The following S100A10 variants were observed in gnomAD, a reference collection of about 807,000 sequenced individuals.
S100A10 encodes the protein S100 calcium binding protein A10, also known as protein S100-A10.
A neutral mutation model predicts 7.1 loss-of-function variants in S100A10; 3 were observed. The observed-to-expected ratio is 0.42, with a 90% CI of 0.19 to 1.10. The LOEUF (loss-of-function observed/expected upper bound fraction) is 1.10. Among genes scored for constraint, S100A10 ranks in the 50% least tolerant of loss-of-function variants. The probability of loss-of-function intolerance (pLI) is 0.29; values close to 1 mark genes in which losing one functional copy is unlikely to be tolerated. For missense variants in S100A10, 101 were observed against 118.1 expected (o/e 0.86, Z 0.67); for synonymous variants, 41 against 39.3 (o/e 1.04, Z -0.16).
rs11383937 is a variant in S100A10 at position 151,987,538 on chromosome 1, CTT to C, written c.-21-1289_-21-1288del. Reference sequence around the variant, plus strand: ...TTTATCTGCTGGGTATATATGTATTCTTTTTTTTTTTTTTTTTTTGAGACGGA... The same window carrying C: ...TTTATCTGCTGGGTATATATGTATTCTTTTTTTTTTTTTTTTTGAGACGGA... On this transcript the variant is annotated intron_variant, in intron 1 of 2. Coordinates refer to ENST00000368811, the MANE Select transcript of S100A10 (RefSeq NM_002966.3). Among the ~76,000 whole-genome samples, 50 of 116,306 alleles carry C rather than the reference CTT, an allele frequency of 4.3e-4. 1 individual carries two copies. The highest frequency in any genetic ancestry group is 1.3e-3 in the African/African-American group (40 of 30,446). The allele number at this position is 116,306 out of a possible 152,430, so 76.3% of individuals were successfully genotyped here.
intron 1 of S100A10, among the ~76,000 whole-genome samples, chr1:151,991,860 G>T (rs751297689): frequency 6.6e-6 from 1 of 152,188 alleles, no homozygotes; most frequent in Non-Finnish European, 1.5e-5. Context: ...TCACTGGAGT[G>T]GCTGCTTAGG....
At chr1:151,992,785 C>T (rs1311397064) in intron 1 of S100A10, among the ~76,000 whole-genome samples, 2 of 152,200 alleles carry the variant, frequency 1.3e-5, no homozygotes, top group Non-Finnish European at 2.9e-5. Context: ...TTAGGGCTCC[C>T]CTGTGCTGGC....
At chr1:151,989,585 G>A (rs1431110391) in intron 1 of S100A10, among the ~76,000 whole-genome samples, 1 of 152,228 alleles carries the variant, frequency 6.6e-6, no homozygotes, top group Non-Finnish European at 1.5e-5. Context: ...TAAGACAAAG[G>A]AAAGGGGGAA....
chr1:151,988,185 A>C (rs1210588101), intron 1 of S100A10, among the ~76,000 whole-genome samples: 1 of 152,204 alleles, frequency 6.6e-6, no homozygotes, highest in Non-Finnish European at 1.5e-5. Flanking sequence ...ACTTAATAGA[A>C]CCTCAGTGAA....
At chr1:151,987,614 G>A (rs1557773277) in intron 1 of S100A10, among the ~76,000 whole-genome samples, 2 of 142,870 alleles carry the variant, frequency 1.4e-5, no homozygotes, top group East Asian at 2.1e-4. Flanking sequence ...ATCTCGGCTC[G>A]CTGCAAGCTC....
intron 1 of S100A10, among the ~76,000 whole-genome samples, chr1:151,988,309 G>A (rs1323340095): frequency 6.6e-6 from 1 of 152,102 alleles, no homozygotes; most frequent in East Asian, 1.9e-4. Context: ...CTGTAATATA[G>A]CACTAAAAAA....
chr1:151,992,763 C>G (rs1397086734), intron 1 of S100A10, among the ~76,000 whole-genome samples: 1 of 152,178 alleles, frequency 6.6e-6, no homozygotes, highest in African/African-American at 2.4e-5. Context: ...TTAATGCATC[C>G]CAGAATCTGG....
chr1:151,988,565 G>T (rs1394469693), intron 1 of S100A10, among the ~76,000 whole-genome samples: 3 of 152,202 alleles, frequency 2.0e-5, no homozygotes, highest in Non-Finnish European at 4.4e-5. Flanking sequence ...CTCCAGAAAA[G>T]TATGGGAACC....
intron 1 of S100A10, among the ~76,000 whole-genome samples, chr1:151,986,731 C>T (rs901258520): frequency 1.6e-4 from 24 of 152,202 alleles, no homozygotes; most frequent in African/African-American, 2.4e-5. Context: ...GCGTAACGTC[C>T]TCCAGGTTCA....
At chr1:151,986,345 G>A in intron 1 of S100A10, 94 bp from the exon 2 acceptor site, 1 of 902,524 alleles carries the variant, frequency 1.1e-6, no homozygotes, top group Non-Finnish European at 1.7e-6. Context: ...AGATAAAATT[G>A]TATGTATTTA....
chr1:151,988,562 A>G (rs1655844309), intron 1 of S100A10, among the ~76,000 whole-genome samples: 2 of 152,234 alleles, frequency 1.3e-5, no homozygotes, highest in South Asian at 4.1e-4. Context: ...AATCTCCAGA[A>G]AAGTATGGGA....
At chr1:151,991,156 A>G (rs1458626204) in intron 1 of S100A10, among the ~76,000 whole-genome samples, 1 of 152,220 alleles carries the variant, frequency 6.6e-6, no homozygotes, top group Non-Finnish European at 1.5e-5. Context: ...GTTATTTAAA[A>G]TATGTTTGAG....
chr1:151,983,093 G>T lies in S100A10; in HGVS notation c.*70C>A. ...ATGAAATCCTTCTATGGGGGAAGCT[G>T]TGGGGCAGATTCCTTAAGCGACCCT... On this transcript the variant is annotated 3_prime_UTR_variant, in exon 3 of 3. Coordinates refer to ENST00000368811, the MANE Select transcript of S100A10 (RefSeq NM_002966.3). 1 of 1,109,286 alleles carries T rather than the reference G, an allele frequency of 9.0e-7. No homozygotes were observed. 68.7% of individuals were successfully genotyped at this position (1,109,286 alleles called of 1,614,324 possible).
chr1:151,991,986 C>G (rs959271436), intron 1 of S100A10, among the ~76,000 whole-genome samples: 7 of 151,894 alleles, frequency 4.6e-5, no homozygotes, highest in Non-Finnish European at 1.0e-4. Context: ...CCCAGTAGAC[C>G]AAAAAAATTG....
intron 1 of S100A10, among the ~76,000 whole-genome samples, chr1:151,987,347 AG>A (rs1479644936): frequency 2.6e-5 from 4 of 151,714 alleles, no homozygotes; most frequent in Non-Finnish European, 5.9e-5. Flanking sequence ...AAGAACAGAT[AG>A]TTCATAATTT....
intron 2 of S100A10, among the ~76,000 whole-genome samples, chr1:151,985,879 T>C (rs1055239156): frequency 6.6e-6 from 1 of 152,200 alleles, no homozygotes; most frequent in Non-Finnish European, 1.5e-5. Flanking sequence ...GTGTCTTCAT[T>C]ACTTTGTTTC....
At chr1:151,988,435 TGA>T (rs1449319123) in intron 1 of S100A10, among the ~76,000 whole-genome samples, 2 of 152,268 alleles carry the variant, frequency 1.3e-5, no homozygotes, top group Non-Finnish European at 2.9e-5. Context: ...TTCCTATCTC[TGA>T]GAGATGCCTG....
Position 151,988,103 on chromosome 1 carries a change from G to A in S100A10, c.-21-1852C>T, listed in dbSNP as rs563075277. Among the ~76,000 whole-genome samples the A allele has an allele frequency of 1.6e-4, 24 of 152,284 alleles. No individual in the cohort carries two copies. In the South Asian group the frequency reaches 5.0e-3, roughly 32 times the overall value. On this transcript the variant is annotated intron_variant, in intron 1 of 2. Coordinates refer to ENST00000368811, the MANE Select transcript of S100A10 (RefSeq NM_002966.3). ...ATGAAGCGTTTATAAGAAAGGAAAG[G>A]AAACATGTCAGATCATTACATTTGG...
rs1655793522 is a variant in S100A10, at chr1:151,986,452, G to A, written c.-21-201C>T. 4.6e-5 allele frequency among the ~76,000 whole-genome samples: 7 copies of A among 152,296 alleles called. No individual in the cohort carries two copies. In the South Asian group the frequency reaches 1.5e-3, roughly 32 times the overall value. On this transcript the variant is annotated intron_variant, in intron 1 of 2. Coordinates refer to ENST00000368811, the MANE Select transcript of S100A10 (RefSeq NM_002966.3). ...ATTACCTCCCATAGTTAGCACTTCT[G>A]TGGTGAGAACACTTAGCCACTCTTA...
Sources: allele counts gnomAD v4.1 joint callset (sites outside exome capture counted in the v4.1 genomes callset), GRCh38; gene constraint gnomAD v4.1.1; transcripts MANE v1.5; gene names NCBI Gene and HGNC (gene_info 2026-07-23, HGNC 2026-07-21).